Variants in KIF14 observed in about 807,000 individuals in gnomAD.
KIF14 encodes the protein kinesin family member 14.
A neutral mutation model predicts 176.2 loss-of-function variants in KIF14; 98 were observed. That is an observed-to-expected ratio of 0.56 (90% CI 0.47 to 0.66). KIF14 has a LOEUF of 0.66. Ranked by LOEUF, KIF14 falls within the 30% of genes least tolerant of loss-of-function variation. The pLI is 0.00. For synonymous variants in KIF14, 566 were observed against 632.2 expected (o/e 0.90, Z 1.57); for missense variants, 1,751 against 1,920.4 (o/e 0.91, Z 1.65).
At chr1:200,563,901 A>G (rs1657295457) in intron 25 of KIF14, among the ~76,000 whole-genome samples, 1 of 152,172 alleles carries the variant, frequency 6.6e-6, no homozygotes, top group Non-Finnish European at 1.5e-5. Context: ...TAGTCAAATG[A>G]TAAAATTCTA....
intron 29 of KIF14, among the ~76,000 whole-genome samples, 175 bp from the exon 30 acceptor site, chr1:200,553,942 T>C (rs939885293): frequency 6.6e-6 from 1 of 152,232 alleles, no homozygotes; most frequent in Non-Finnish European, 1.5e-5. Flanking sequence ...ACTTGGTTTT[T>C]CAGGATCTAA....
At chr1:200,562,925 C>T (rs1657241020) in intron 25 of KIF14, among the ~76,000 whole-genome samples, 2 of 152,100 alleles carry the variant, frequency 1.3e-5, no homozygotes, top group Non-Finnish European at 1.5e-5. Flanking sequence ...AAAAAGACAC[C>T]CACTGTCCTC....
At position 200,586,197 on chromosome 1, in the gene KIF14, T is replaced by C; in HGVS notation, c.3145A>G (p.Arg1049Gly). Residue 1049 changes from arginine to glycine, a missense_variant, in exon 19 of 30, where the codon AGA becomes GGA. Arg to Gly is a moderately radical substitution (Grantham distance 125). Coordinates refer to ENST00000367350, the MANE Select transcript of KIF14 (RefSeq NM_014875.3). The part of the protein sequence containing the change: ...ALEDHSIRHA[R>G]ILEALETEKQ... The stretch of plus-strand genomic sequence containing the variant: ...TCAGTTTCTAAAGCTTCCAGAATTC[T>C]TGCATGGCGGATGCTATGGTCTTCT... 6.2e-7 allele frequency: 1 copy of C among 1,600,022 alleles called. No individual in the cohort carries two copies. Among genetic ancestry groups the C allele is most frequent in the Non-Finnish European group, 8.5e-7 (1 of 1,170,920 alleles).
chr1:200,589,985 G>T lies in KIF14; in HGVS notation c.2961+140C>A, dbSNP rs192717827. ...ATTTCTTAAAGTAAAATTAAAGAGG[G>T]CCAAGACTCACTGTGGCTTTGATTC... On this transcript the variant is annotated intron_variant, in intron 17 of 29. Transcript: ENST00000367350. 1.0e-4 allele frequency: 89 copies of T among 861,306 alleles called. No homozygotes were observed. In the East Asian group the frequency reaches 1.9e-3, roughly 18 times the overall value. The allele number at this position is 861,306 out of a possible 1,614,324, so 53.4% of individuals were successfully genotyped here.
chr1:200,564,995 A>G, intron 25 of KIF14, 74 bp downstream of exon 25: 2 of 1,130,794 alleles, frequency 1.8e-6, no homozygotes, highest in South Asian at 1.7e-5. Flanking sequence ...ATTTTGGGGA[A>G]GATATAGACA....
chr1:200,556,932 C>T (rs964084292), intron 27 of KIF14, among the ~76,000 whole-genome samples: 8 of 152,188 alleles, frequency 5.3e-5, no homozygotes, highest in African/African-American at 1.4e-4. Context: ...CCTATTTGAG[C>T]GCAAGCTTGA....
chr1:200,602,898 T>C (rs1198481589), intron 10 of KIF14, among the ~76,000 whole-genome samples: 1 of 152,196 alleles, frequency 6.6e-6, no homozygotes, highest in Non-Finnish European at 1.5e-5. Context: ...AATAGTTAAG[T>C]ACAAGAACAG....
chr1:200,571,815 G>A (rs538209198), intron 22 of KIF14, among the ~76,000 whole-genome samples: 2 of 152,238 alleles, frequency 1.3e-5, no homozygotes, highest in East Asian at 3.9e-4. Flanking sequence ...TCTAAACTAG[G>A]AAAACAGTTA....
Position 200,555,446 on chromosome 1 carries a change from T to C in KIF14, c.4362A>G (p.Lys1454=). ...ATCCCATGGCATTAGTTTTCATTTC[T>C]TTGGTAACCTATAGAGAATGTTAAA... ...FRQCTKNEVT[K]EMKTNAMGLI... The change falls in exon 28 of 30, where the codon AAA becomes AAG. Residue 1454 remains lysine, a synonymous_variant. Transcript: ENST00000367350. 6.5e-7 allele frequency: 1 copy of C among 1,544,300 alleles called. No individual in the cohort carries two copies. Among genetic ancestry groups the C allele is most frequent in the East Asian group, 2.3e-5 (1 of 43,050 alleles).
chr1:200,567,117 G>C (rs1215409776), intron 23 of KIF14, among the ~76,000 whole-genome samples: 1 of 151,512 alleles, frequency 6.6e-6, no homozygotes, highest in Non-Finnish European at 1.5e-5. Context: ...GTTGCAGTGA[G>C]CCGAGATCGC....
intron 2 of KIF14, among the ~76,000 whole-genome samples, chr1:200,617,288 G>A (rs1660451086): frequency 2.0e-5 from 3 of 152,138 alleles, no homozygotes; most frequent in African/African-American, 7.2e-5. Flanking sequence ...CTTTTTAAGG[G>A]ATAGGTATAA....
chr1:200,571,245 G>C (rs913530147), intron 22 of KIF14, among the ~76,000 whole-genome samples: 1 of 151,684 alleles, frequency 6.6e-6, no homozygotes, highest in African/African-American at 2.4e-5. Flanking sequence ...AACCTGGGAG[G>C]GGGAGCTTAT....
intron 14 of KIF14, among the ~76,000 whole-genome samples, chr1:200,597,626 T>C (rs746186125): frequency 6.6e-6 from 1 of 152,122 alleles, no homozygotes; most frequent in African/African-American, 2.4e-5. Context: ...TTTTGGAAAA[T>C]AATTTGAAAT....
intron 18 of KIF14, among the ~76,000 whole-genome samples, chr1:200,587,284 A>G (rs1369996590): frequency 6.6e-6 from 1 of 152,084 alleles, no homozygotes; most frequent in East Asian, 1.9e-4. Flanking sequence ...AGACTTCACC[A>G]CTATATAATT....
chr1:200,602,553 A>C (rs1248548134), intron 10 of KIF14, among the ~76,000 whole-genome samples: 3 of 152,226 alleles, frequency 2.0e-5, no homozygotes, highest in Admixed American at 6.5e-5. Flanking sequence ...TTTAACTTTC[A>C]TAAGACATGA....
At chr1:200,573,065 A>G (rs1042603021) in intron 22 of KIF14, among the ~76,000 whole-genome samples, 3 of 152,168 alleles carry the variant, frequency 2.0e-5, no homozygotes, top group Non-Finnish European at 4.4e-5. Flanking sequence ...TTGAATGCCC[A>G]CCCACCGTAA....
At chr1:200,588,636 A>T (rs1358278152) in intron 18 of KIF14, among the ~76,000 whole-genome samples, 1 of 152,204 alleles carries the variant, frequency 6.6e-6, no homozygotes, top group African/African-American at 2.4e-5. Context: ...ATGGCCCAAA[A>T]TACTGACAGT....
At position 200,589,331 on chromosome 1, in the gene KIF14, A is replaced by G. The variant is rs909526874; in HGVS notation, c.3000T>C (p.Asn1000=). 6.2e-7 allele frequency: 1 copy of G among 1,609,740 alleles called. No individual in the cohort carries two copies. The highest frequency in any genetic ancestry group is 1.3e-5 in the African/African-American group (1 of 74,716). ...ESQRKKMQEI[N]NQKANHKIEE... is the part of the protein sequence containing the mutation. ...CAATTTTGTGATTAGCCTTCTGGTT[A>G]TTTATTTCCTGCATTTTTTTCCTTT... Residue 1000 remains asparagine, a synonymous_variant, in exon 18 of 30, where the codon AAT becomes AAC. Coordinates refer to ENST00000367350, the MANE Select transcript of KIF14 (RefSeq NM_014875.3).
chr1:200,593,066 T>C (rs1278619695), intron 15 of KIF14, among the ~76,000 whole-genome samples: 2 of 152,206 alleles, frequency 1.3e-5, no homozygotes, highest in Non-Finnish European at 2.9e-5. Context: ...GTGAGATACA[T>C]ATAATCATCC....
Sources: allele counts gnomAD v4.1 joint callset (sites outside exome capture counted in the v4.1 genomes callset), GRCh38; gene constraint gnomAD v4.1.1; transcripts MANE v1.5; gene names NCBI Gene and HGNC (gene_info 2026-07-23, HGNC 2026-07-21).